The following TGFA variants were observed in gnomAD, a reference collection of about 807,000 sequenced individuals.
The protein encoded by TGFA is protransforming growth factor alpha.
A neutral mutation model predicts 21.7 loss-of-function variants in TGFA; 12 were observed. The ratio of observed to expected loss-of-function variants is 0.55; its 90% CI spans 0.35 to 0.90. The LOEUF is 0.90. Ranked by LOEUF, TGFA falls within the 40% of genes least tolerant of loss-of-function variation. TGFA has a pLI of 0.01. For missense variants in TGFA, 178 were observed against 210.8 expected (o/e 0.84, Z 0.96); for synonymous variants, 79 against 88.1 (o/e 0.90, Z 0.58).
chr2:70,462,871 G>T (rs548008818), intron 3 of TGFA, among the ~76,000 whole-genome samples: 1 of 152,284 alleles, frequency 6.6e-6, no homozygotes, highest in East Asian at 1.9e-4. Flanking sequence ...AGCTGTCTCT[G>T]TAGCCCCGCA....
At chr2:70,544,581 A>T (rs1226293478) in intron 1 of TGFA, among the ~76,000 whole-genome samples, 9 of 152,214 alleles carry the variant, frequency 5.9e-5, no homozygotes, top group African/African-American at 2.2e-4. Flanking sequence ...ACTCTGCCTC[A>T]TTCTTGGCTG....
At chr2:70,482,044 T>G (rs1671139581) in intron 2 of TGFA, among the ~76,000 whole-genome samples, 1 of 152,182 alleles carries the variant, frequency 6.6e-6, no homozygotes, top group Non-Finnish European at 1.5e-5. Flanking sequence ...TAACATACAC[T>G]TTGAGTTTCT....
chr2:70,521,613 GTTTGTTTT>G (rs1294721406), intron 1 of TGFA, among the ~76,000 whole-genome samples: 6 of 74,052 alleles, frequency 8.1e-5, no homozygotes, highest in Admixed American at 1.9e-4. Context: ...GTTGTTGTTT[GTTTGTTTT>G]TTTTTTTTTT....
At chr2:70,519,311 G>A (rs949861569) in intron 1 of TGFA, among the ~76,000 whole-genome samples, 8 of 152,050 alleles carry the variant, frequency 5.3e-5, no homozygotes, top group Non-Finnish European at 1.2e-4. Context: ...TAAAGAAATG[G>A]GCCACACAGA....
At chr2:70,530,217 C>T (rs1236535374) in intron 1 of TGFA, among the ~76,000 whole-genome samples, 1 of 152,230 alleles carries the variant, frequency 6.6e-6, no homozygotes, top group Non-Finnish European at 1.5e-5. Flanking sequence ...CTGTGAGAGT[C>T]AGACCTACAT....
chr2:70,525,233 A>T (rs1051346823), intron 1 of TGFA, among the ~76,000 whole-genome samples: 1 of 152,182 alleles, frequency 6.6e-6, no homozygotes, highest in Non-Finnish European at 1.5e-5. Context: ...ACACCCCGGA[A>T]CCACCCTGCA....
intron 2 of TGFA, among the ~76,000 whole-genome samples, chr2:70,504,597 T>A (rs1179478176): frequency 6.6e-6 from 1 of 151,630 alleles, no homozygotes; most frequent in Middle Eastern, 3.2e-3. Flanking sequence ...TGTGCATTGG[T>A]ATATATGTAT....
At chr2:70,455,782 G>C (rs1479968717) in intron 4 of TGFA, among the ~76,000 whole-genome samples, 1 of 152,120 alleles carries the variant, frequency 6.6e-6, no homozygotes. Flanking sequence ...CACCTGAAAA[G>C]GTCTCTCCTG....
At chr2:70,495,422 A>AC (rs1671547586) in intron 2 of TGFA, among the ~76,000 whole-genome samples, 2 of 152,218 alleles carry the variant, frequency 1.3e-5, no homozygotes, top group South Asian at 4.1e-4. Context: ...CATTTAGTTA[A>AC]GTTCCCCCTT....
chr2:70,474,355 T>C (rs1318521839), intron 2 of TGFA, among the ~76,000 whole-genome samples: 1 of 152,350 alleles, frequency 6.6e-6, no homozygotes, highest in African/African-American at 2.4e-5. Flanking sequence ...AAAATTAGGA[T>C]GCTATTCAAG....
intron 2 of TGFA, among the ~76,000 whole-genome samples, chr2:70,504,463 T>TATATATATATATATATAC (rs1224115401): frequency 5.1e-4 from 25 of 48,900 alleles, no homozygotes; most frequent in East Asian, 3.1e-3. Flanking sequence ...TATATATATA[T>TATATATATATATATATAC]ACACACATAC....
At chr2:70,534,297 T>C (rs1040113689) in intron 1 of TGFA, among the ~76,000 whole-genome samples, 1 of 152,276 alleles carries the variant, frequency 6.6e-6, no homozygotes, top group African/African-American at 2.4e-5. Context: ...TCGCAGGTTC[T>C]ATCTTTAGTT....
intron 2 of TGFA, among the ~76,000 whole-genome samples, chr2:70,488,725 T>TA (rs1671340614): frequency 6.6e-6 from 1 of 152,212 alleles, no homozygotes; most frequent in South Asian, 2.1e-4. Flanking sequence ...TCCAAACCGT[T>TA]AGAGGACTGA....
chr2:70,525,407 C>G (rs1553502848), intron 1 of TGFA, among the ~76,000 whole-genome samples: 1 of 152,182 alleles, frequency 6.6e-6, no homozygotes, highest in Admixed American at 6.5e-5. Context: ...GGCCACAGGA[C>G]ACCCCTTAGG....
chr2:70,505,946 G>A (rs1292596879), intron 2 of TGFA, among the ~76,000 whole-genome samples: 1 of 152,220 alleles, frequency 6.6e-6, no homozygotes, highest in Non-Finnish European at 1.5e-5. Context: ...GCAAACAGTG[G>A]GAGAGCCTGC....
chr2:70,511,890 T>TACACACACACACACAC (rs36084203), intron 2 of TGFA, among the ~76,000 whole-genome samples: 5 of 142,948 alleles, frequency 3.5e-5, no homozygotes, highest in Non-Finnish European at 6.2e-5. Context: ...TAGTCATGAA[T>TACACACACACACACAC]ACACACACAC....
chr2:70,458,674 C>G (rs1194512698), intron 3 of TGFA, among the ~76,000 whole-genome samples: 1 of 152,220 alleles, frequency 6.6e-6, no homozygotes, highest in Non-Finnish European at 1.5e-5. Flanking sequence ...TCCCAAGGAC[C>G]ACATTCTCCA....
intron 2 of TGFA, among the ~76,000 whole-genome samples, chr2:70,492,627 T>C (rs1671468264): frequency 6.6e-6 from 1 of 152,254 alleles, no homozygotes; most frequent in South Asian, 2.1e-4. Context: ...CTTCTCTCAC[T>C]GTATGAGGCT....
intron 2 of TGFA, among the ~76,000 whole-genome samples, chr2:70,507,542 C>T (rs2103833907): frequency 6.6e-6 from 1 of 152,296 alleles, no homozygotes; most frequent in East Asian, 1.9e-4. Context: ...TAACTATTTT[C>T]CTCTTGTTGA....
Sources: gnomAD v4.1 joint callset for allele counts (sites outside exome capture counted in the v4.1 genomes callset) on GRCh38, gnomAD v4.1.1 for gene constraint, MANE v1.5 for transcripts, NCBI Gene and HGNC (gene_info 2026-07-23, HGNC 2026-07-21) for gene names.